Variants in ADAMTSL1 observed in about 807,000 individuals in gnomAD.
ADAMTSL1 encodes ADAMTS-like protein 1.
ADAMTSL1 carries 126 observed loss-of-function variants against 201.8 expected under a neutral mutation model. The observed-to-expected ratio is 0.62, with a 90% CI of 0.54 to 0.72. The LOEUF (loss-of-function observed/expected upper bound fraction) is 0.72. Ranked by LOEUF, ADAMTSL1 falls within the 30% of genes least tolerant of loss-of-function variation. The pLI is 0.00. For synonymous variants in ADAMTSL1, 1,121 were observed against 903.4 expected (o/e 1.24, Z -4.32); for missense variants, 2,679 against 2,277.8 (o/e 1.18, Z -3.59).
At chr9:18,031,881 G>C (rs1161828834) in intron 1 of ADAMTSL1, among the ~76,000 whole-genome samples, 1 of 152,172 alleles carries the variant, frequency 6.6e-6, no homozygotes, top group Non-Finnish European at 1.5e-5. Flanking sequence ...GTGGTCTGAT[G>C]ATACAGGGGT....
At chr9:18,644,142 G>A (rs1322198412) in intron 7 of ADAMTSL1, among the ~76,000 whole-genome samples, 1 of 151,824 alleles carries the variant, frequency 6.6e-6, no homozygotes, top group East Asian at 1.9e-4. Context: ...TATTATACCT[G>A]GGATTGTTTC....
intron 2 of ADAMTSL1, among the ~76,000 whole-genome samples, chr9:18,417,090 C>A (rs1476745796): frequency 2.6e-5 from 4 of 151,590 alleles, no homozygotes; most frequent in Non-Finnish European, 4.4e-5. Context: ...TAGAATGGAA[C>A]TAAATTAGAA....
chr9:18,645,851 A>G (rs954914442), intron 7 of ADAMTSL1, among the ~76,000 whole-genome samples: 1 of 123,760 alleles, frequency 8.1e-6, no homozygotes, highest in Admixed American at 8.8e-5. Context: ...CTTTTGGCTT[A>G]GGATTGACTT....
At chr9:18,286,594 A>G (rs984040738) in intron 2 of ADAMTSL1, among the ~76,000 whole-genome samples, 12 of 54,880 alleles carry the variant, frequency 2.2e-4, no homozygotes, top group Non-Finnish European at 3.0e-4. Flanking sequence ...AATCATTTTA[A>G]TGCAGCAGTC....
At chr9:18,595,182 C>G (rs575073880) in intron 4 of ADAMTSL1, among the ~76,000 whole-genome samples, 1 of 152,294 alleles carries the variant, frequency 6.6e-6, no homozygotes, top group East Asian at 1.9e-4. Flanking sequence ...AGAAGACTAT[C>G]CTTTTGGCCC....
At chr9:18,409,299 C>T (rs1818330663) in intron 2 of ADAMTSL1, among the ~76,000 whole-genome samples, 1 of 148,664 alleles carries the variant, frequency 6.7e-6, no homozygotes, top group Non-Finnish European at 1.5e-5. Context: ...GGGAGAATCG[C>T]TTGAACCTGG....
intron 2 of ADAMTSL1, among the ~76,000 whole-genome samples, chr9:18,426,890 T>C (rs1306423016): frequency 6.6e-6 from 1 of 152,214 alleles, no homozygotes; most frequent in Non-Finnish European, 1.5e-5. Context: ...TTTATTTTTT[T>C]CAATGAAAGC....
intron 2 of ADAMTSL1, among the ~76,000 whole-genome samples, chr9:18,182,357 C>G (rs1291246478): frequency 1.3e-5 from 2 of 151,244 alleles, no homozygotes; most frequent in Non-Finnish European, 2.9e-5. Flanking sequence ...TAATTGTATA[C>G]CCTTTGAAGG....
chr9:18,464,683 G>T (rs1383979641), intron 2 of ADAMTSL1, among the ~76,000 whole-genome samples: 2 of 152,112 alleles, frequency 1.3e-5, no homozygotes, highest in Non-Finnish European at 2.9e-5. Flanking sequence ...TAAGAGAGTG[G>T]TTCATAGCCA....
chr9:18,731,759 T>C (rs1461129804), intron 15 of ADAMTSL1, among the ~76,000 whole-genome samples: 1 of 152,194 alleles, frequency 6.6e-6, no homozygotes, highest in Non-Finnish European at 1.5e-5. Flanking sequence ...CATGGGCTAC[T>C]ACTTCACATG....
intron 14 of ADAMTSL1, among the ~76,000 whole-genome samples, chr9:18,711,580 T>C (rs1832604546): frequency 1.3e-5 from 2 of 152,254 alleles, no homozygotes; most frequent in Non-Finnish European, 2.9e-5. Context: ...ATCCCGCACC[T>C]GGCTCGGAGG....
intron 1 of ADAMTSL1, among the ~76,000 whole-genome samples, chr9:18,010,321 A>G (rs1344200455): frequency 6.6e-6 from 1 of 152,060 alleles, no homozygotes; most frequent in Non-Finnish European, 1.5e-5. Context: ...TTCTATCCAC[A>G]CAGACATAAT....
At chr9:17,978,488 G>A (rs1818544416) in intron 1 of ADAMTSL1, among the ~76,000 whole-genome samples, 1 of 151,748 alleles carries the variant, frequency 6.6e-6, no homozygotes, top group African/African-American at 2.4e-5. Context: ...ATTTCCATGA[G>A]GCTTACATAA....
chr9:18,181,765 G>A (rs1267307872), intron 2 of ADAMTSL1, among the ~76,000 whole-genome samples: 1 of 151,468 alleles, frequency 6.6e-6, no homozygotes, highest in Non-Finnish European at 1.5e-5. Flanking sequence ...AATACCATTT[G>A]ACCCAGCCAT....
chr9:18,636,690 T>C (rs1827132391), intron 6 of ADAMTSL1, among the ~76,000 whole-genome samples: 1 of 152,174 alleles, frequency 6.6e-6, no homozygotes, highest in Admixed American at 6.5e-5. Context: ...CACCTATTTC[T>C]TATTATTTAG....
intron 4 of ADAMTSL1, among the ~76,000 whole-genome samples, chr9:18,576,145 G>A (rs771144898): frequency 1.4e-4 from 21 of 152,034 alleles, no homozygotes; most frequent in East Asian, 3.9e-4. Context: ...AAATTATACC[G>A]TATTTGAAAA....
chr9:18,377,482 C>T (rs1008611084), intron 2 of ADAMTSL1, among the ~76,000 whole-genome samples: 1 of 152,158 alleles, frequency 6.6e-6, no homozygotes, highest in Non-Finnish European at 1.5e-5. Context: ...CAGACGTTGG[C>T]ATTTCTAAGT....
At chr9:18,821,065 C>T (rs372969847) in intron 21 of ADAMTSL1, among the ~76,000 whole-genome samples, 21 of 152,206 alleles carry the variant, frequency 1.4e-4, no homozygotes, top group African/African-American at 4.8e-4. Context: ...GATTATGGTA[C>T]AGTTTAGGTT....
intron 4 of ADAMTSL1, among the ~76,000 whole-genome samples, chr9:18,609,017 C>T (rs1031119966): frequency 1.3e-5 from 2 of 152,108 alleles, no homozygotes; most frequent in African/African-American, 4.8e-5. Context: ...CATATTGATA[C>T]ATTCATATGG....
Sources: gnomAD v4.1 joint callset for allele counts (sites outside exome capture counted in the v4.1 genomes callset) on GRCh38, gnomAD v4.1.1 for gene constraint, MANE v1.5 for transcripts, NCBI Gene and HGNC (gene_info 2026-07-23, HGNC 2026-07-21) for gene names.